The following MIPOL1 variants were observed in gnomAD, a reference collection of about 807,000 sequenced individuals.
MIPOL1 encodes the protein mirror-image polydactyly gene 1 protein.
A neutral mutation model predicts 60.9 loss-of-function variants in MIPOL1; 57 were observed. The ratio of observed to expected loss-of-function variants is 0.94; its 90% confidence interval spans 0.76 to 1.17. The LOEUF (loss-of-function observed/expected upper bound fraction) is 1.17, where lower values mean the gene tolerates loss of function less well. Among genes scored for constraint, MIPOL1 ranks in the 50% most tolerant of loss-of-function variants. MIPOL1 has a pLI of 0.00. For synonymous variants in MIPOL1, 179 were observed against 168.8 expected, an observed-to-expected ratio of 1.06 and a Z score of -0.47; for missense variants, 551 against 511.6, an observed-to-expected ratio of 1.08 and a Z score of -0.74.
At chr14:37,491,444 G>A (rs542793026) in intron 11 of MIPOL1, among the ~76,000 whole-genome samples, 23 of 152,238 alleles carry the variant, frequency 1.5e-4, no homozygotes, top group Admixed American at 5.9e-4. Context: ...TAGTAGAATC[G>A]CTTGAACCCC....
chr14:37,447,437 G>C (rs2094354722), intron 11 of MIPOL1, among the ~76,000 whole-genome samples: 1 of 152,018 alleles, frequency 6.6e-6, no homozygotes, highest in Admixed American at 6.6e-5. Context: ...CACACTTTTA[G>C]GAGGCAAACT....
At chr14:37,363,076 G>T (rs531186780) in intron 9 of MIPOL1, among the ~76,000 whole-genome samples, 1 of 152,240 alleles carries the variant, frequency 6.6e-6, no homozygotes, top group East Asian at 1.9e-4. Context: ...GCTTGGAGAA[G>T]TTTGTTACTA....
chr14:37,396,336 G>T (rs2093371076), intron 10 of MIPOL1, among the ~76,000 whole-genome samples: 1 of 152,152 alleles, frequency 6.6e-6, no homozygotes, highest in African/African-American at 2.4e-5. Flanking sequence ...TTTCAGCTGA[G>T]AAATCTGCTG....
At chr14:37,273,765 T>A (rs1956520) in intron 6 of MIPOL1, among the ~76,000 whole-genome samples, 149,642 of 151,442 alleles carry the variant, frequency 0.99, 73,956 homozygotes, top group Middle Eastern at 1. Context: ...TGGGCACGTT[T>A]TTTAGCCTCT....
intron 11 of MIPOL1, among the ~76,000 whole-genome samples, chr14:37,486,037 G>A (rs2094940723): frequency 6.6e-6 from 1 of 152,056 alleles, no homozygotes; most frequent in Non-Finnish European, 1.5e-5. Context: ...TCCAGTTTTA[G>A]TTTTCTTCAT....
At chr14:37,360,419 G>A (rs1158386128) in intron 9 of MIPOL1, among the ~76,000 whole-genome samples, 1 of 152,110 alleles carries the variant, frequency 6.6e-6, no homozygotes, top group African/African-American at 2.4e-5. Context: ...CGTACCTCTG[G>A]TAGAATTCGG....
chr14:37,456,169 A>G (rs1177582545), intron 11 of MIPOL1, among the ~76,000 whole-genome samples: 1 of 152,072 alleles, frequency 6.6e-6, no homozygotes, highest in Non-Finnish European at 1.5e-5. Context: ...TAAATAAGAC[A>G]TAGGTCAGTT....
intron 11 of MIPOL1, among the ~76,000 whole-genome samples, chr14:37,428,383 G>T (rs1353766142): frequency 6.6e-6 from 1 of 152,174 alleles, no homozygotes; most frequent in Admixed American, 6.5e-5. Context: ...TTGAGTCCAG[G>T]AGTTCAAGAC....
At chr14:37,475,222 C>A (rs111822463) in intron 11 of MIPOL1, among the ~76,000 whole-genome samples, 2,008 of 152,174 alleles carry the variant, frequency 0.013, 46 homozygotes, top group African/African-American at 0.045. Flanking sequence ...GCTTCTGCCT[C>A]CCAAAGTGCT....
chr14:37,539,463 T>C (rs2095521056), intron 12 of MIPOL1, among the ~76,000 whole-genome samples: 2 of 151,984 alleles, frequency 1.3e-5, no homozygotes, highest in Admixed American at 6.6e-5. Context: ...AGAAGTAAAT[T>C]CCCAGATTGA....
intron 6 of MIPOL1, among the ~76,000 whole-genome samples, chr14:37,272,551 T>G (rs1230641873): frequency 2.6e-5 from 4 of 151,602 alleles, no homozygotes; most frequent in Non-Finnish European, 5.9e-5. Flanking sequence ...ATTTTCTATC[T>G]GATGAATAGG....
chr14:37,540,087 C>A (rs939261527), intron 12 of MIPOL1, among the ~76,000 whole-genome samples: 3 of 152,216 alleles, frequency 2.0e-5, no homozygotes, highest in African/African-American at 7.2e-5. Flanking sequence ...CCCAGCCAGG[C>A]TGAACTGTGA....
chr14:37,231,139 G>C (rs1970568467), intron 1 of MIPOL1, among the ~76,000 whole-genome samples: 1 of 152,056 alleles, frequency 6.6e-6, no homozygotes, highest in Non-Finnish European at 1.5e-5. Context: ...GTATCGCCCA[G>C]GCTGGAGTGC....
chr14:37,208,873 G>A (rs959779271), intron 1 of MIPOL1, among the ~76,000 whole-genome samples: 2 of 152,200 alleles, frequency 1.3e-5, no homozygotes, highest in Non-Finnish European at 2.9e-5. Flanking sequence ...TTACAGGCAT[G>A]AGCCACTGTG....
chr14:37,482,591 A>T (rs887712568), intron 11 of MIPOL1, among the ~76,000 whole-genome samples: 1 of 152,148 alleles, frequency 6.6e-6, no homozygotes, highest in African/African-American at 2.4e-5. Flanking sequence ...CAAGCAGGGG[A>T]AATTCCAGAC....
chr14:37,249,953 A>G (rs937019488), intron 3 of MIPOL1, among the ~76,000 whole-genome samples: 5 of 152,162 alleles, frequency 3.3e-5, no homozygotes, highest in Non-Finnish European at 5.9e-5. Flanking sequence ...TATTTTTAAT[A>G]TATCTAAAGA....
At chr14:37,229,449 G>T (rs953523248) in intron 1 of MIPOL1, among the ~76,000 whole-genome samples, 24 of 152,152 alleles carry the variant, frequency 1.6e-4, no homozygotes, top group African/African-American at 4.8e-4. Context: ...ACCCAGCCAA[G>T]CCCATTATTC....
intron 11 of MIPOL1, among the ~76,000 whole-genome samples, chr14:37,483,823 G>A (rs2094909465): frequency 6.6e-6 from 1 of 152,004 alleles, no homozygotes; most frequent in South Asian, 2.1e-4. Context: ...TTTTGTAGAG[G>A]CAGGGTTTCA....
intron 3 of MIPOL1, among the ~76,000 whole-genome samples, chr14:37,254,483 G>A (rs906198912): frequency 6.6e-6 from 1 of 151,580 alleles, no homozygotes; most frequent in South Asian, 2.1e-4. Context: ...TTATCTTTCA[G>A]AACAGTTTTA....
Sources: allele counts gnomAD v4.1 joint callset (sites outside exome capture counted in the v4.1 genomes callset), GRCh38; gene constraint gnomAD v4.1.1; transcripts MANE v1.5; gene names NCBI Gene and HGNC (gene_info 2026-07-23, HGNC 2026-07-21).